SLC35F1: variants seen among roughly 807,000 people sequenced by gnomAD.
SLC35F1 encodes solute carrier family 35 member F1.
In SLC35F1, 14 loss-of-function variants were observed where a neutral mutation model predicts 48.7. The ratio of observed to expected loss-of-function variants is 0.29; its 90% CI spans 0.19 to 0.45. The LOEUF (loss-of-function observed/expected upper bound fraction) is 0.45, where lower values mean the gene tolerates loss of function less well. SLC35F1 is among the 20% of genes least tolerant of loss of function. The probability of loss-of-function intolerance (pLI) is 1.00; values close to 1 mark genes in which losing one functional copy is unlikely to be tolerated. For synonymous variants in SLC35F1, 190 were observed against 202.2 expected (o/e 0.94, Z 0.51); for missense variants, 404 against 500.0 (o/e 0.81, Z 1.83).
intron 1 of SLC35F1, among the ~76,000 whole-genome samples, chr6:118,151,040 A>C (rs1455509839): frequency 6.6e-6 from 1 of 152,144 alleles, no homozygotes; most frequent in Non-Finnish European, 1.5e-5. Context: ...GTCAGTCCTC[A>C]TTCTCTCTAC....
At chr6:118,095,508 C>T (rs531315615) in intron 1 of SLC35F1, among the ~76,000 whole-genome samples, 8 of 152,114 alleles carry the variant, frequency 5.3e-5, no homozygotes, top group Non-Finnish European at 1.0e-4. Flanking sequence ...AACTTGCCTT[C>T]AGTCCTCTTT....
At chr6:118,105,518 C>T (rs1281033029) in intron 1 of SLC35F1, among the ~76,000 whole-genome samples, 4 of 152,214 alleles carry the variant, frequency 2.6e-5, no homozygotes, top group South Asian at 2.1e-4. Flanking sequence ...ACACCGTGGT[C>T]ATTCTTTGAC....
At chr6:118,249,938 G>A (rs192123388) in intron 3 of SLC35F1, among the ~76,000 whole-genome samples, 54 of 152,248 alleles carry the variant, frequency 3.5e-4, no homozygotes, top group African/African-American at 1.1e-3. Flanking sequence ...TGCCCAGGGC[G>A]CTCACCTTTG....
intron 1 of SLC35F1, among the ~76,000 whole-genome samples, chr6:118,133,231 T>G (rs1773743173): frequency 6.6e-6 from 1 of 152,060 alleles, no homozygotes; most frequent in African/African-American, 2.4e-5. Context: ...TGGACAGAAA[T>G]TGGCTGATAG....
chr6:118,108,074 G>A (rs1256952441), intron 1 of SLC35F1, among the ~76,000 whole-genome samples: 3 of 151,998 alleles, frequency 2.0e-5, no homozygotes, highest in South Asian at 2.1e-4. Flanking sequence ...TGGGGCATAC[G>A]ATCCATATAA....
intron 1 of SLC35F1, among the ~76,000 whole-genome samples, chr6:118,021,321 A>G (rs1457366368): frequency 6.6e-6 from 1 of 152,204 alleles, no homozygotes; most frequent in Admixed American, 6.5e-5. Context: ...AACCATTTTG[A>G]CAATTAGGGA....
intron 1 of SLC35F1, among the ~76,000 whole-genome samples, chr6:117,976,722 CCT>C (rs1308528219): frequency 2.0e-5 from 3 of 152,036 alleles, no homozygotes; most frequent in Non-Finnish European, 4.4e-5. Flanking sequence ...CATTTTCTCC[CCT>C]GATTTCAAAA....
chr6:118,066,937 T>G (rs1772624685), intron 1 of SLC35F1, among the ~76,000 whole-genome samples: 1 of 151,906 alleles, frequency 6.6e-6, no homozygotes, highest in Non-Finnish European at 1.5e-5. Flanking sequence ...TTCAGCTGAG[T>G]CTAACCAGAT....
At chr6:118,246,960 A>G (rs1768817609) in intron 3 of SLC35F1, among the ~76,000 whole-genome samples, 1 of 152,168 alleles carries the variant, frequency 6.6e-6, no homozygotes, top group Non-Finnish European at 1.5e-5. Context: ...GATCCATATG[A>G]TAGTCAGATG....
intron 1 of SLC35F1, among the ~76,000 whole-genome samples, chr6:117,957,255 C>T (rs1776439061): frequency 6.6e-6 from 1 of 152,146 alleles, no homozygotes; most frequent in Non-Finnish European, 1.5e-5. Flanking sequence ...TTTGGTCACT[C>T]TTCATCTCTT....
At chr6:117,931,714 G>GAGATGTGGGGAGTACT (rs1776103990) in intron 1 of SLC35F1, among the ~76,000 whole-genome samples, 1 of 152,216 alleles carries the variant, frequency 6.6e-6, no homozygotes, top group Non-Finnish European at 1.5e-5. Context: ...TGGATTTCTG[G>GAGATGTGGGGAGTACT]AGATGTGGGG....
At chr6:118,262,250 A>T (rs1036237934) in intron 3 of SLC35F1, among the ~76,000 whole-genome samples, 1 of 152,108 alleles carries the variant, frequency 6.6e-6, no homozygotes, top group African/African-American at 2.4e-5. Context: ...GGGAGCATCC[A>T]CAGAAGTCCA....
At chr6:118,231,592 C>T (rs573586627) in intron 2 of SLC35F1, among the ~76,000 whole-genome samples, 2 of 152,320 alleles carry the variant, frequency 1.3e-5, no homozygotes, top group East Asian at 3.9e-4. Flanking sequence ...GCTAAGCAAG[C>T]ATGTTGTCTA....
intron 4 of SLC35F1, among the ~76,000 whole-genome samples, chr6:118,271,611 A>G (rs1355400430): frequency 6.6e-6 from 1 of 152,218 alleles, no homozygotes; most frequent in African/African-American, 2.4e-5. Flanking sequence ...TTCTTGTCCT[A>G]GTAGTAAGTC....
chr6:118,158,842 T>G (rs1774182937), intron 2 of SLC35F1, among the ~76,000 whole-genome samples: 1 of 152,164 alleles, frequency 6.6e-6, no homozygotes, highest in African/African-American at 2.4e-5. Flanking sequence ...AAATATCATA[T>G]CCAGTTGAGC....
intron 2 of SLC35F1, among the ~76,000 whole-genome samples, chr6:118,212,769 A>T (rs1218821502): frequency 6.7e-6 from 1 of 148,868 alleles, no homozygotes; most frequent in East Asian, 2.0e-4. Context: ...GAAGGAAGGA[A>T]GGAAGGAAGG....
intron 1 of SLC35F1, among the ~76,000 whole-genome samples, chr6:117,948,039 G>C (rs184316036): frequency 6.6e-6 from 1 of 152,082 alleles, no homozygotes; most frequent in African/African-American, 2.4e-5. Context: ...AACATTTTGT[G>C]TATTACTAGA....
chr6:118,108,877 C>T (rs1773359636), intron 1 of SLC35F1, among the ~76,000 whole-genome samples: 1 of 152,128 alleles, frequency 6.6e-6, no homozygotes, highest in South Asian at 2.1e-4. Context: ...TTAAACTTCT[C>T]ATAAAATTAA....
At chr6:117,932,974 T>C (rs111436061) in intron 1 of SLC35F1, among the ~76,000 whole-genome samples, 1 of 152,212 alleles carries the variant, frequency 6.6e-6, no homozygotes, top group African/African-American at 2.4e-5. Flanking sequence ...GTTTCTTACG[T>C]TGATTTTACT....
Sources: gnomAD v4.1 joint callset for allele counts (sites outside exome capture counted in the v4.1 genomes callset) on GRCh38, gnomAD v4.1.1 for gene constraint, MANE v1.5 for transcripts, NCBI Gene and HGNC (gene_info 2026-07-23, HGNC 2026-07-21) for gene names.